The following CYYR1 variants were observed in gnomAD, a reference collection of about 807,000 sequenced individuals.
CYYR1 encodes cysteine and tyrosine rich 1, also known as cysteine and tyrosine-rich protein 1.
A neutral mutation model predicts 15.2 loss-of-function variants in CYYR1; 14 were observed. That is an observed-to-expected ratio of 0.92 (90% CI 0.61 to 1.44). The LOEUF (loss-of-function observed/expected upper bound fraction) is 1.44, where lower values mean the gene tolerates loss of function less well. CYYR1 is among the 40% of genes most tolerant of loss of function. The pLI, the probability that CYYR1 is intolerant of heterozygous loss-of-function variation, is 0.00. For missense variants in CYYR1, 228 were observed against 209.5 expected (o/e 1.09, Z -0.54); for synonymous variants, 80 against 77.4 (o/e 1.03, Z -0.18).
At chr21:26,541,881 T>C (rs758692524) in intron 2 of CYYR1, among the ~76,000 whole-genome samples, 19 of 151,988 alleles carry the variant, frequency 1.3e-4, no homozygotes, top group Non-Finnish European at 2.2e-4. Context: ...AATAATAAAA[T>C]AAAGAGGTAA....
chr21:26,475,909 G>A (rs1294698253), intron 3 of CYYR1, among the ~76,000 whole-genome samples: 1 of 152,102 alleles, frequency 6.6e-6, no homozygotes, highest in African/African-American at 2.4e-5. Flanking sequence ...TTATTATAGA[G>A]AATCTTTCCA....
chr21:26,499,391 G>A (rs1379324060), intron 2 of CYYR1, among the ~76,000 whole-genome samples: 1 of 152,210 alleles, frequency 6.6e-6, no homozygotes, highest in East Asian at 1.9e-4. Flanking sequence ...GGTAAGGAAG[G>A]TTTTTCCTCT....
At chr21:26,562,071 A>T (rs551314502) in intron 2 of CYYR1, among the ~76,000 whole-genome samples, 37 of 152,310 alleles carry the variant, frequency 2.4e-4, no homozygotes, top group African/African-American at 8.7e-4. Context: ...TCTATCTTCC[A>T]TGAAGCAGAG....
intron 2 of CYYR1, among the ~76,000 whole-genome samples, chr21:26,549,654 G>A (rs1236681568): frequency 6.6e-6 from 1 of 152,112 alleles, no homozygotes; most frequent in Non-Finnish European, 1.5e-5. Flanking sequence ...ACAGAAAAGT[G>A]TAGAGTGTGG....
intron 2 of CYYR1, among the ~76,000 whole-genome samples, chr21:26,511,290 T>A (rs1162043553): frequency 6.6e-6 from 1 of 152,216 alleles, no homozygotes; most frequent in Non-Finnish European, 1.5e-5. Flanking sequence ...AAATAGTAGA[T>A]TCAGAGACTA....
intron 2 of CYYR1, among the ~76,000 whole-genome samples, chr21:26,555,178 T>C (rs2123696845): frequency 6.6e-6 from 1 of 152,310 alleles, no homozygotes; most frequent in South Asian, 2.1e-4. Flanking sequence ...GTTTCCTGTT[T>C]AATTCTACTT....
At chr21:26,516,972 G>A (rs1233562228) in intron 2 of CYYR1, among the ~76,000 whole-genome samples, 1 of 150,322 alleles carries the variant, frequency 6.7e-6, no homozygotes, top group Admixed American at 6.6e-5. Flanking sequence ...AAAATTAGCC[G>A]GGCGTGGTAG....
At chr21:26,509,324 TA>T (rs2065614366) in intron 2 of CYYR1, among the ~76,000 whole-genome samples, 1 of 152,222 alleles carries the variant, frequency 6.6e-6, no homozygotes, top group Admixed American at 6.5e-5. Flanking sequence ...GGTCAAATGT[TA>T]CATTTTACGT....
intron 3 of CYYR1, among the ~76,000 whole-genome samples, chr21:26,472,514 G>A (rs219646): frequency 0.16 from 23,620 of 151,806 alleles, 2,358 homozygotes; most frequent in Admixed American, 0.26. Flanking sequence ...TTAGGTCTTT[G>A]TTTTACTTGA....
intron 2 of CYYR1, among the ~76,000 whole-genome samples, chr21:26,497,132 A>C (rs1191776457): frequency 6.6e-6 from 1 of 152,162 alleles, no homozygotes; most frequent in Non-Finnish European, 1.5e-5. Flanking sequence ...ATCAGAGTCA[A>C]CTTTCTTAGT....
intron 2 of CYYR1, among the ~76,000 whole-genome samples, chr21:26,532,016 G>A (rs1601799377): frequency 6.6e-6 from 1 of 152,100 alleles, no homozygotes; most frequent in Non-Finnish European, 1.5e-5. Flanking sequence ...TGATGAACAA[G>A]GTGGTGACTT....
intron 3 of CYYR1, among the ~76,000 whole-genome samples, chr21:26,476,577 C>G (rs1176850105): frequency 7.2e-6 from 1 of 138,768 alleles, no homozygotes. Context: ...TTTGTCTACC[C>G]TATCTATCAT....
chr21:26,529,777 A>G (rs931060973), intron 2 of CYYR1, among the ~76,000 whole-genome samples: 6 of 152,130 alleles, frequency 3.9e-5, no homozygotes, highest in Non-Finnish European at 7.4e-5. Context: ...ATGCTATTGG[A>G]TTTTATCTTA....
chr21:26,544,319 G>C (rs1978793026), intron 2 of CYYR1, among the ~76,000 whole-genome samples: 1 of 152,138 alleles, frequency 6.6e-6, no homozygotes, highest in Non-Finnish European at 1.5e-5. Context: ...ACTGTTAAAT[G>C]CAGAGCGCTT....
chr21:26,533,823 T>C (rs1569163766), intron 2 of CYYR1, among the ~76,000 whole-genome samples: 1 of 152,192 alleles, frequency 6.6e-6, no homozygotes, highest in African/African-American at 2.4e-5. Flanking sequence ...GAAAAGATTA[T>C]AAAAGTGAAT....
Position 26,513,238 on chromosome 21 carries a change from G to A in CYYR1, c.177-32809C>T, listed in dbSNP as rs1196644357. Among the ~76,000 whole-genome samples the A allele has an allele frequency of 3.9e-5, 6 of 152,122 alleles. No homozygotes were observed. The East Asian group carries it at 5.8e-4, about 15-fold the overall frequency. On this transcript the variant is annotated intron_variant, in intron 2 of 3. Transcript: ENST00000652641. ...ACACTTACCATATTCTGCCTTGTAC[G>A]ATCCTTAGTCTTGCACTCATTTCAT...
intron 2 of CYYR1, among the ~76,000 whole-genome samples, chr21:26,504,202 A>G (rs2065522683): frequency 6.6e-6 from 1 of 151,160 alleles, no homozygotes; most frequent in Admixed American, 6.6e-5. Context: ...AATTATTATT[A>G]TTTTATTTTA....
At chr21:26,540,319 T>A (rs1978457089) in intron 2 of CYYR1, among the ~76,000 whole-genome samples, 1 of 152,172 alleles carries the variant, frequency 6.6e-6, no homozygotes, top group Admixed American at 6.5e-5. Context: ...TGAGTAGCGT[T>A]CCATTGATAA....
At chr21:26,473,241 C>T (rs970455654) in intron 3 of CYYR1, among the ~76,000 whole-genome samples, 1 of 151,990 alleles carries the variant, frequency 6.6e-6, no homozygotes, top group Admixed American at 6.6e-5. Flanking sequence ...CATCTACTCT[C>T]CCCCAAACCC....
Sources: gnomAD v4.1 joint callset for allele counts (sites outside exome capture counted in the v4.1 genomes callset) on GRCh38, gnomAD v4.1.1 for gene constraint, MANE v1.5 for transcripts, NCBI Gene and HGNC (gene_info 2026-07-23, HGNC 2026-07-21) for gene names.